PM20D2: variants seen among roughly 807,000 people sequenced by gnomAD.
PM20D2 encodes the protein xaa-Arg dipeptidase.
In PM20D2, 33 loss-of-function variants were observed where a neutral mutation model predicts 42.9. That is an observed-to-expected ratio of 0.77 (90% confidence interval 0.58 to 1.03). PM20D2 has a LOEUF of 1.03. PM20D2 is among the 50% of genes least tolerant of loss of function. PM20D2 has a pLI of 0.00. For missense variants in PM20D2, 548 were observed against 557.0 expected, an observed-to-expected ratio of 0.98 and a Z score of 0.16; for synonymous variants, 250 against 228.2, an observed-to-expected ratio of 1.10 and a Z score of -0.86.
At position 89,149,348 on chromosome 6, in the gene PM20D2, T is replaced by A; in HGVS notation, c.549T>A (p.Asp183Glu). The change falls in exon 2 of 7, where the codon GAT becomes GAA. Residue 183 changes from aspartate to glutamate, a missense_variant. Transcript: ENST00000275072. ...AAGCAGGGGCTTTTACAAATCTTGATGTTGTTTTTATGGCCCACCCATCAC... is the reference window on the plus strand; with the variant it reads ...AAGCAGGGGCTTTTACAAATCTTGAAGTTGTTTTTATGGCCCACCCATCAC... Reference protein sequence around the residue: ...LIEAGAFTNLDVVFMAHPSQE... With the variant: ...LIEAGAFTNLEVVFMAHPSQE... The A allele has an allele frequency of 1.2e-6, 2 of 1,614,114 alleles. No homozygotes were observed. The highest frequency in any genetic ancestry group is 1.7e-6 in the Non-Finnish European group (2 of 1,179,982).
At position 89,146,433 on chromosome 6, in the gene PM20D2, CG is replaced by C; in HGVS notation, c.292del (p.Ala98HisfsTer43). ...FRAEWEPPEA[R>X]APSATPRPLH... ...CGCCGAGTGGGAGCCGCCGGAGGCC[CG>C]GGCACCGAGCGCCACGCCACGCCCG... On this transcript the variant is annotated frameshift_variant, in exon 1 of 7. Coordinates refer to ENST00000275072, the MANE Select transcript of PM20D2 (RefSeq NM_001010853.3). LOFTEE classifies it high-confidence loss of function. 6.6e-7 allele frequency: 1 copy of C among 1,523,912 alleles called. No homozygotes were observed. Among genetic ancestry groups the C allele is most frequent in the South Asian group, 1.2e-5 (1 of 82,668 alleles). The allele number at this position is 1,523,912 out of a possible 1,614,324, so 94.4% of individuals were successfully genotyped here.
At chr6:89,152,772 C>T (rs1351087006) in intron 2 of PM20D2, among the ~76,000 whole-genome samples, 1 of 151,736 alleles carries the variant, frequency 6.6e-6, no homozygotes, top group East Asian at 1.9e-4. Context: ...TACCATATTG[C>T]ATGTTTGCAT....
At chr6:89,125,046 T>C in the PM20D2 span, among the ~76,000 whole-genome samples, 31 of 152,212 alleles carry the variant, frequency 2.0e-4, no homozygotes, top group Admixed American at 6.5e-4. Context: ...CCCATCAAGA[T>C]TTTTTAAGCA....
chr6:89,114,122 A>T, the PM20D2 span, among the ~76,000 whole-genome samples: 6 of 152,212 alleles, frequency 3.9e-5, no homozygotes, highest in African/African-American at 1.4e-4. Flanking sequence ...CTCATCGGTA[A>T]AATGGGGTTA....
At chr6:89,156,933 TAA>T (rs1170064274) in intron 4 of PM20D2, among the ~76,000 whole-genome samples, 2 of 152,188 alleles carry the variant, frequency 1.3e-5, no homozygotes, top group Non-Finnish European at 2.9e-5. Flanking sequence ...CAGTAAAAAC[TAA>T]ATATTTATTC....
the PM20D2 span, among the ~76,000 whole-genome samples, chr6:89,103,892 C>T: frequency 1.3e-5 from 2 of 152,028 alleles, no homozygotes; most frequent in Non-Finnish European, 2.9e-5. Context: ...TTCAATACTG[C>T]CATACTTGGA....
chr6:89,117,635 G>A, the PM20D2 span, among the ~76,000 whole-genome samples: 6 of 152,120 alleles, frequency 3.9e-5, no homozygotes, highest in Admixed American at 2.0e-4. Flanking sequence ...GGAGGGCGGA[G>A]GCGCGAGTTC....
chr6:89,118,333 G>GCCAC, the PM20D2 span, among the ~76,000 whole-genome samples: 1 of 152,182 alleles, frequency 6.6e-6, no homozygotes, highest in Admixed American at 6.5e-5. Context: ...GGCGGAGGTG[G>GCCAC]GGTCAGTGAG....
the PM20D2 span, among the ~76,000 whole-genome samples, chr6:89,119,358 T>C: frequency 1.3e-5 from 2 of 152,178 alleles, no homozygotes; most frequent in Admixed American, 6.5e-5. Context: ...GTCACTTATG[T>C]TCCCTGAACA....
chr6:89,152,984 G>T, intron 2 of PM20D2, 59 bp from the exon 3 acceptor site: 2 of 1,418,150 alleles, frequency 1.4e-6, no homozygotes, highest in East Asian at 4.8e-5. Flanking sequence ...TGACTACCTG[G>T]ATTTTCTTAC....
Position 89,162,218 on chromosome 6 carries a change from T to A in PM20D2, c.1266T>A (p.Phe422Leu), listed in dbSNP as rs144587816. ...TACTGGAAGGAATCAGAGAGGACTT[T>A]AAACTGAAACTTCAAGAAGAACAGT... ...PELLEGIRED[F>L]KLKLQEEQFV... Residue 422 changes from phenylalanine (F) to leucine (L), a missense_variant, in exon 7 of 7, where the codon TTT (phenylalanine) becomes TTA (leucine). By Grantham distance (22) the Phe-to-Leu change is conservative. Around this residue, in one of 3 missense-constraint regions of PM20D2, gnomAD observed 71 missense variants for 69.7 expected, o/e 1.02. Transcript: ENST00000275072. 8 of 1,614,020 alleles carry A rather than the reference T, an allele frequency of 5.0e-6. No homozygotes were observed. The African/African-American group carries it at 6.7e-5, about 13-fold the overall frequency.
intron 1 of PM20D2, among the ~76,000 whole-genome samples, chr6:89,148,109 C>T (rs1424836386): frequency 1.3e-5 from 2 of 150,428 alleles, no homozygotes; most frequent in Non-Finnish European, 3.0e-5. Context: ...GCCTCCTGAG[C>T]TGGGATTACA....
Position 89,162,216 on chromosome 6 carries a change from T to C in PM20D2, c.1264T>C (p.Phe422Leu). The change falls in exon 7 of 7, where the codon TTT becomes CTT. Residue 422 changes from phenylalanine (F) to leucine (L), a missense_variant. Around this residue, in one of 3 missense-constraint regions of PM20D2, gnomAD observed 71 missense variants for 69.7 expected, o/e 1.02. Transcript: ENST00000275072. ...PELLEGIREDFKLKLQEEQFV... is the reference protein window; with the variant it reads ...PELLEGIREDLKLKLQEEQFV... ...GTTACTGGAAGGAATCAGAGAGGACTTTAAACTGAAACTTCAAGAAGAACA... is the reference window on the plus strand; with the variant it reads ...GTTACTGGAAGGAATCAGAGAGGACCTTAAACTGAAACTTCAAGAAGAACA... The C allele has an allele frequency of 6.2e-7, 1 of 1,614,128 alleles. No homozygotes were observed. Among genetic ancestry groups the C allele is most frequent in the Non-Finnish European group, 8.5e-7 (1 of 1,179,978 alleles).
At chr6:89,139,008 A>G in the PM20D2 span, among the ~76,000 whole-genome samples, 1 of 152,370 alleles carries the variant, frequency 6.6e-6, no homozygotes, top group East Asian at 1.9e-4. Flanking sequence ...AATAGCAATG[A>G]TGAAATTTTT....
chr6:89,134,027 A>G, the PM20D2 span, among the ~76,000 whole-genome samples: 716 of 151,436 alleles, frequency 4.7e-3, 9 homozygotes, highest in Non-Finnish European at 8.0e-3. Context: ...ACACTGACAC[A>G]GGTATTTTGC....
At chr6:89,122,135 A>G in the PM20D2 span, among the ~76,000 whole-genome samples, 1 of 152,230 alleles carries the variant, frequency 6.6e-6, no homozygotes, top group Admixed American at 6.5e-5. Flanking sequence ...AATTGCTGAT[A>G]TGACAATAAC....
At chr6:89,105,568 C>T in the PM20D2 span, 4 of 1,392,200 alleles carry the variant, frequency 2.9e-6, no homozygotes, top group Middle Eastern at 1.8e-4. Flanking sequence ...CATGAGATAT[C>T]AAGTAAACAT....
At chr6:89,158,719 C>T (rs964139603) in intron 5 of PM20D2, among the ~76,000 whole-genome samples, 4 of 152,036 alleles carry the variant, frequency 2.6e-5, no homozygotes, top group African/African-American at 4.8e-5. Context: ...GTTTAAGTTT[C>T]GTTAGTTTTA....
chr6:89,146,299 C>T lies in PM20D2; in HGVS notation c.155C>T (p.Ala52Val). 2 of 1,582,040 alleles carry T rather than the reference C, an allele frequency of 1.3e-6. No homozygotes were observed. Residue 52 changes from alanine (A) to valine (V), a missense_variant, in exon 1 of 7, where the codon GCC (alanine) becomes GTC (valine). Ala to Val is a moderately conservative substitution (Grantham distance 64, BLOSUM62 0). This residue lies in a region of PM20D2 where 470 missense variants were observed against 464.4 expected (regional missense o/e 1.01). Transcript: ENST00000275072. Reference sequence around the variant, plus strand: ...GCGATCTGGAGCCAGCCCGAGCTGGCCTACGAGGAGCACCATGCCCACCGC... The same window carrying T: ...GCGATCTGGAGCCAGCCCGAGCTGGTCTACGAGGAGCACCATGCCCACCGC... Reference protein sequence around the residue: ...SRAIWSQPELAYEEHHAHRVL... With the variant: ...SRAIWSQPELVYEEHHAHRVL...
Sources: allele counts gnomAD v4.1 joint callset (sites outside exome capture counted in the v4.1 genomes callset), GRCh38; gene constraint gnomAD v4.1.1; regional missense constraint gnomAD v4.1.1; transcripts MANE v1.5; gene names NCBI Gene and HGNC (gene_info 2026-07-23, HGNC 2026-07-21).